The following UNC13C variants were observed in gnomAD, a reference collection of about 807,000 sequenced individuals.
UNC13C encodes unc-13 homolog C.
UNC13C carries 174 observed loss-of-function variants against 245.4 expected under a neutral mutation model. The ratio of observed to expected loss-of-function variants is 0.71; its 90% confidence interval spans 0.63 to 0.80. The LOEUF (loss-of-function observed/expected upper bound fraction) is 0.80, where lower values mean the gene tolerates loss of function less well. Ranked by LOEUF, UNC13C falls within the 30% of genes least tolerant of loss-of-function variation. UNC13C has a pLI of 0.00. For missense variants in UNC13C, 2,829 were observed against 2,602.9 expected (o/e 1.09, Z -1.89); for synonymous variants, 992 against 895.1 (o/e 1.11, Z -1.93).
chr15:53,928,736 C>G, the UNC13C span, among the ~76,000 whole-genome samples: 1 of 152,184 alleles, frequency 6.6e-6, no homozygotes, highest in African/African-American at 2.4e-5. Context: ...TTTCTAAGTG[C>G]ATTTCTGGAG....
chr15:54,240,189 G>A (rs556445518), intron 7 of UNC13C, among the ~76,000 whole-genome samples: 4 of 152,230 alleles, frequency 2.6e-5, no homozygotes, highest in Admixed American at 1.3e-4. Flanking sequence ...GTGTTGAATG[G>A]ATGAACAGAA....
intron 30 of UNC13C, among the ~76,000 whole-genome samples, chr15:54,607,239 G>A (rs1899817978): frequency 6.6e-6 from 1 of 152,190 alleles, no homozygotes; most frequent in Non-Finnish European, 1.5e-5. Context: ...AAGAATGCGA[G>A]AGAATCTTGG....
Position 54,136,256 on chromosome 15 carries a change from A to G in UNC13C, c.2984-6762A>G, listed in dbSNP as rs144455174. 2.3e-4 allele frequency among the ~76,000 whole-genome samples: 35 copies of G among 152,180 alleles called. No homozygotes were observed. In the East Asian group the frequency reaches 6.0e-3, roughly 26 times the overall value. On this transcript the variant is annotated intron_variant, in intron 2 of 32. Coordinates refer to ENST00000260323, the MANE Select transcript of UNC13C (RefSeq NM_001080534.3). ...AGGCTCAGGTGATCTTCCCACATCA[A>G]TCTCCTGAGTAGCTGGGGCTATAGG... is the stretch of plus-strand genomic sequence containing the variant.
intron 24 of UNC13C, among the ~76,000 whole-genome samples, chr15:54,523,627 C>T (rs1327686314): frequency 6.6e-6 from 1 of 152,130 alleles, no homozygotes. Flanking sequence ...ACCTATGTAG[C>T]CATTTCTGTA....
At chr15:54,604,666 C>A (rs1216385812) in intron 30 of UNC13C, among the ~76,000 whole-genome samples, 1 of 152,170 alleles carries the variant, frequency 6.6e-6, no homozygotes, top group Non-Finnish European at 1.5e-5. Flanking sequence ...TCTAAGACCT[C>A]TTTATTTCTG....
the UNC13C span, among the ~76,000 whole-genome samples, chr15:53,953,550 C>T: frequency 6.6e-6 from 1 of 152,210 alleles, no homozygotes; most frequent in Admixed American, 6.5e-5. Context: ...TTGAATAAAG[C>T]TTGAACCAGT....
At chr15:54,280,769 CAT>C (rs1555443212) in intron 10 of UNC13C, among the ~76,000 whole-genome samples, 4,247 of 107,604 alleles carry the variant, frequency 0.039, 239 homozygotes, top group African/African-American at 0.15. Flanking sequence ...TACATACATA[CAT>C]ATATATATAT....
chr15:54,497,175 C>T (rs1206428677), intron 20 of UNC13C, among the ~76,000 whole-genome samples: 3 of 151,724 alleles, frequency 2.0e-5, no homozygotes, highest in South Asian at 2.1e-4. Flanking sequence ...TGATGGCCAA[C>T]AAAAAAGGTA....
chr15:54,587,387 C>G (rs1020482284), intron 30 of UNC13C, among the ~76,000 whole-genome samples: 2 of 152,194 alleles, frequency 1.3e-5, no homozygotes, highest in Admixed American at 1.3e-4. Flanking sequence ...AAACAGTTAT[C>G]TGCATGTCTT....
In UNC13C at chr15:54,254,598, A is replaced by G. The variant is rs199795926; in HGVS notation, c.3448+4154A>G. Among the ~76,000 whole-genome samples the G allele has an allele frequency of 1.2e-4, 19 of 152,320 alleles. No homozygotes were observed. In the East Asian group the frequency reaches 3.7e-3, roughly 29 times the overall value. On this transcript the variant is annotated intron_variant, in intron 8 of 32. Coordinates refer to ENST00000260323, the MANE Select transcript of UNC13C (RefSeq NM_001080534.3). ...CTTTCCATATAGGCATACGCTATTA[A>G]AGGAGCTTCGAGATTAGTGAGTTAG...
the UNC13C span, among the ~76,000 whole-genome samples, chr15:53,935,998 A>G: frequency 6.6e-6 from 1 of 152,162 alleles, no homozygotes; most frequent in Non-Finnish European, 1.5e-5. Flanking sequence ...TTCCCCTAGG[A>G]AGGGGTCTGA....
intron 19 of UNC13C, among the ~76,000 whole-genome samples, chr15:54,462,341 G>A (rs761752908): frequency 4.6e-5 from 7 of 152,226 alleles, no homozygotes; most frequent in Admixed American, 3.9e-4. Flanking sequence ...TCGCCTAAGC[G>A]TCCACTGTGG....
the UNC13C span, among the ~76,000 whole-genome samples, chr15:53,846,080 G>A: frequency 6.6e-6 from 1 of 152,132 alleles, no homozygotes; most frequent in East Asian, 1.9e-4. Context: ...AGATGATTTT[G>A]CCCAATTGTA....
At chr15:54,128,964 C>G (rs1043646318) in intron 2 of UNC13C, among the ~76,000 whole-genome samples, 1 of 152,316 alleles carries the variant, frequency 6.6e-6, no homozygotes, top group African/African-American at 2.4e-5. Flanking sequence ...TTCCACATTC[C>G]TCCTCTAACA....
At chr15:53,842,919 A>C in the UNC13C span, among the ~76,000 whole-genome samples, 1 of 142,022 alleles carries the variant, frequency 7.0e-6, no homozygotes, top group South Asian at 2.1e-4. Flanking sequence ...TATATATATA[A>C]TGTAAAAATT....
At chr15:54,031,379 G>A (rs1327450070) in intron 2 of UNC13C, among the ~76,000 whole-genome samples, 3 of 152,080 alleles carry the variant, frequency 2.0e-5, no homozygotes, top group Admixed American at 1.3e-4. Flanking sequence ...AGCCGCCACC[G>A]CGCCTGGCTA....
chr15:54,260,259 A>G (rs775356754), intron 8 of UNC13C, among the ~76,000 whole-genome samples: 31 of 152,120 alleles, frequency 2.0e-4, no homozygotes, highest in Non-Finnish European at 3.5e-4. Flanking sequence ...AAATATTTAC[A>G]CCACAGAAAT....
chr15:54,600,758 T>C (rs973266699), intron 30 of UNC13C, among the ~76,000 whole-genome samples: 1 of 152,094 alleles, frequency 6.6e-6, no homozygotes, highest in African/African-American at 2.4e-5. Context: ...ACCCCATACA[T>C]AGATCATTTA....
chr15:53,931,431 A>T, the UNC13C span, among the ~76,000 whole-genome samples: 23,547 of 152,162 alleles, frequency 0.15, 2,177 homozygotes, highest in Middle Eastern at 0.22. Context: ...GACTTCCCAG[A>T]GTGCTGGGAT....
Sources: allele counts gnomAD v4.1 joint callset (sites outside exome capture counted in the v4.1 genomes callset), GRCh38; gene constraint gnomAD v4.1.1; transcripts MANE v1.5; gene names NCBI Gene and HGNC (gene_info 2026-07-23, HGNC 2026-07-21).